Variants in ATRNL1 observed in about 807,000 individuals in gnomAD.
The protein encoded by ATRNL1 is attractin like 1, also known as attractin-like protein 1.
Under a neutral mutation model 182.7 loss-of-function variants are expected in ATRNL1, and 95 were observed. The observed-to-expected ratio is 0.52, with a 90% CI of 0.44 to 0.62. The LOEUF (loss-of-function observed/expected upper bound fraction) is 0.62. Ranked by LOEUF, ATRNL1 falls within the 20% of genes least tolerant of loss-of-function variation. The probability of loss-of-function intolerance (pLI) is 0.00; values close to 1 mark genes in which losing one functional copy is unlikely to be tolerated. For missense variants in ATRNL1, 1,471 were observed against 1,679.5 expected (o/e 0.88, Z 2.17); for synonymous variants, 576 against 568.3 (o/e 1.01, Z -0.19).
intron 21 of ATRNL1, 105 bp from the exon 22 acceptor site, chr10:115,461,836 A>G (rs912031841): frequency 5.9e-6 from 3 of 508,702 alleles, no homozygotes; most frequent in Non-Finnish European, 6.6e-6. Context: ...GTATTTAACA[A>G]TAATCATTTT....
chr10:115,589,084 A>G (rs1388402543), intron 26 of ATRNL1, among the ~76,000 whole-genome samples: 3 of 152,196 alleles, frequency 2.0e-5, no homozygotes, highest in Non-Finnish European at 4.4e-5. Flanking sequence ...ATGATAAGAA[A>G]TATAATAAAA....
chr10:115,553,720 G>A (rs951222314), intron 26 of ATRNL1, among the ~76,000 whole-genome samples: 4 of 151,224 alleles, frequency 2.6e-5, no homozygotes, highest in African/African-American at 9.7e-5. Flanking sequence ...TTTTCCAGAG[G>A]CAAATACATT....
At chr10:115,161,979 TAGAA>T (rs140494945) in intron 6 of ATRNL1, among the ~76,000 whole-genome samples, 1,714 of 152,200 alleles carry the variant, frequency 0.011, 27 homozygotes, top group African/African-American at 0.038. Flanking sequence ...TCTATTAAAT[TAGAA>T]AGACTTTTAC....
intron 9 of ATRNL1, among the ~76,000 whole-genome samples, chr10:115,222,247 A>T (rs1341119880): frequency 2.6e-5 from 4 of 152,168 alleles, no homozygotes; most frequent in African/African-American, 9.6e-5. Flanking sequence ...GAGAGATCAG[A>T]AGGAAACATC....
At chr10:115,133,254 T>C (rs1274263188) in intron 5 of ATRNL1, among the ~76,000 whole-genome samples, 4 of 152,182 alleles carry the variant, frequency 2.6e-5, no homozygotes, top group African/African-American at 9.6e-5. Flanking sequence ...ATGTGTGGTA[T>C]TATTTCTGAG....
At chr10:115,153,368 GC>G (rs1255275636) in intron 5 of ATRNL1, among the ~76,000 whole-genome samples, 6 of 152,122 alleles carry the variant, frequency 3.9e-5, no homozygotes, top group African/African-American at 7.2e-5. Context: ...TGGTTGGTAA[GC>G]TATTAATTAT....
chr10:115,380,298 A>C (rs1476401622), intron 19 of ATRNL1, among the ~76,000 whole-genome samples: 1 of 152,210 alleles, frequency 6.6e-6, no homozygotes, highest in Non-Finnish European at 1.5e-5. Flanking sequence ...CAAGAAACTT[A>C]GTGTTCTACA....
At chr10:115,488,355 CT>C (rs1180008131) in intron 24 of ATRNL1, among the ~76,000 whole-genome samples, 1 of 152,010 alleles carries the variant, frequency 6.6e-6, no homozygotes, top group African/African-American at 2.4e-5. Context: ...TGGTAGTGGA[CT>C]TTTTTTGGTT....
intron 26 of ATRNL1, among the ~76,000 whole-genome samples, chr10:115,599,432 T>C (rs1590733): frequency 0.49 from 75,005 of 152,014 alleles, 19,432 homozygotes; most frequent in African/African-American, 0.6. Flanking sequence ...AGAAATGCTG[T>C]ATTTGTACTT....
At chr10:115,600,868 A>G (rs1257911583) in intron 26 of ATRNL1, among the ~76,000 whole-genome samples, 3 of 150,040 alleles carry the variant, frequency 2.0e-5, no homozygotes, top group Non-Finnish European at 4.4e-5. Flanking sequence ...ATTTGAGTCT[A>G]TGATTAGTTC....
At chr10:115,362,169 A>C (rs1856782114) in intron 19 of ATRNL1, among the ~76,000 whole-genome samples, 1 of 152,072 alleles carries the variant, frequency 6.6e-6, no homozygotes, top group Non-Finnish European at 1.5e-5. Flanking sequence ...TTTTTGTGAG[A>C]AAAATCAGAT....
rs368945479 is a variant in ATRNL1 at position 115,548,027 on chromosome 10, C to T, written c.3717-1431C>T. 2.6e-4 allele frequency among the ~76,000 whole-genome samples: 40 copies of T among 152,190 alleles called. 1 individual carries two copies. The South Asian group carries it at 8.1e-3, about 31-fold the overall frequency. The stretch of plus-strand genomic sequence containing the variant: ...GTGATTATGGGATGGATAGTGGGCA[C>T]ACTTAGAGCTGCCAGCATATGGAAA... On this transcript the variant is annotated intron_variant, in intron 25 of 28. Coordinates refer to ENST00000355044, the MANE Select transcript of ATRNL1 (RefSeq NM_207303.4).
At chr10:115,844,529 G>A (rs758190791) in intron 27 of ATRNL1, among the ~76,000 whole-genome samples, 1 of 151,888 alleles carries the variant, frequency 6.6e-6, no homozygotes, top group Non-Finnish European at 1.5e-5. Context: ...TTTTCTGTTT[G>A]TAATAGCTGA....
chr10:115,622,244 A>G (rs1263471711), intron 26 of ATRNL1, among the ~76,000 whole-genome samples: 1 of 152,228 alleles, frequency 6.6e-6, no homozygotes, highest in Non-Finnish European at 1.5e-5. Context: ...GGAACGGGCA[A>G]ACTTTTAAAG....
At chr10:115,501,115 G>C (rs1849812427) in intron 24 of ATRNL1, among the ~76,000 whole-genome samples, 1 of 151,502 alleles carries the variant, frequency 6.6e-6, no homozygotes, top group Non-Finnish European at 1.5e-5. Flanking sequence ...GTATTGTTTG[G>C]TAGAGACAGG....
chr10:115,322,788 CTTTT>C (rs1292206101), intron 18 of ATRNL1, among the ~76,000 whole-genome samples: 1 of 151,968 alleles, frequency 6.6e-6, no homozygotes, highest in African/African-American at 2.4e-5. Flanking sequence ...TAGCATTGTT[CTTTT>C]GAGTATATAT....
At position 115,619,868 on chromosome 10, in the gene ATRNL1, A is replaced by T. The variant is rs114590376; in HGVS notation, c.3795+70332A>T. Among the ~76,000 whole-genome samples the T allele has an allele frequency of 9.6e-3, 1,457 of 152,314 alleles. 23 individuals carry two copies. The highest frequency in any genetic ancestry group is 0.033 in the African/African-American group (1,375 of 41,556). On this transcript the variant is annotated intron_variant, in intron 26 of 28. Coordinates refer to ENST00000355044, the MANE Select transcript of ATRNL1 (RefSeq NM_207303.4). ...ACAAGGATAGTCATCATTTCTAATTATCTTCTTGTTACAGCCTGTCAAGAT... is the reference window on the plus strand; with the variant it reads ...ACAAGGATAGTCATCATTTCTAATTTTCTTCTTGTTACAGCCTGTCAAGAT...
chr10:115,549,448 T>C lies in ATRNL1; in HGVS notation c.3717-10T>C, dbSNP rs1554994880. The C allele has an allele frequency of 5.1e-6, 8 of 1,581,432 alleles. No homozygotes were observed. The Admixed American group carries it at 1.3e-4, about 25-fold the overall frequency. On this transcript the variant is annotated splice_polypyrimidine_tract_variant and intron_variant, in intron 25 of 28. Transcript: ENST00000355044. Reference sequence around the variant, plus strand: ...TTTTGAGCAAAAATTATTTGTGTTTTATTTTCCAGTTGTTTCCTATCCTTA... The same window carrying C: ...TTTTGAGCAAAAATTATTTGTGTTTCATTTTCCAGTTGTTTCCTATCCTTA...
chr10:115,935,087 T>A (rs1953516434), intron 28 of ATRNL1, among the ~76,000 whole-genome samples: 1 of 152,192 alleles, frequency 6.6e-6, no homozygotes. Flanking sequence ...CGCCTCTATC[T>A]TTCTTTTCCT....
Sources: allele counts gnomAD v4.1 joint callset (sites outside exome capture counted in the v4.1 genomes callset), GRCh38; gene constraint gnomAD v4.1.1; transcripts MANE v1.5; gene names NCBI Gene and HGNC (gene_info 2026-07-23, HGNC 2026-07-21).